ERLEC1: variants seen among roughly 807,000 people sequenced by gnomAD.
ERLEC1 encodes the protein endoplasmic reticulum lectin 1, also known as ER lectin.
In ERLEC1, 47 loss-of-function variants were observed where a neutral mutation model predicts 68.0. The observed-to-expected ratio is 0.69, with a 90% CI of 0.55 to 0.88. The LOEUF is 0.88. Ranked by LOEUF, ERLEC1 falls within the 40% of genes least tolerant of loss-of-function variation. The probability of loss-of-function intolerance (pLI) is 0.00; values close to 1 mark genes in which losing one functional copy is unlikely to be tolerated. For missense variants in ERLEC1, 567 were observed against 583.8 expected, an observed-to-expected ratio of 0.97 and a Z score of 0.30; for synonymous variants, 225 against 203.2, an observed-to-expected ratio of 1.11 and a Z score of -0.91.
chr2:53,794,377 T>A lies in ERLEC1; in HGVS notation c.195T>A (p.Asn65Lys), dbSNP rs1675572652. The A allele has an allele frequency of 6.3e-7, 1 of 1,580,604 alleles. No individual in the cohort carries two copies. The highest frequency in any genetic ancestry group is 1.4e-5 in the African/African-American group (1 of 73,628). ...CTGGAGTTTTATATAAAGAAGATAATTATGTCATCATGACAACTGCACATA... is the reference window on the plus strand; with the variant it reads ...CTGGAGTTTTATATAAAGAAGATAAATATGTCATCATGACAACTGCACATA... ...PTTGVLYKED[N>K]YVIMTTAHKE... The change falls in exon 2 of 14, where the codon AAT (asparagine) becomes AAA (lysine). Residue 65 changes from asparagine to lysine, a missense_variant. Physicochemically the swap from Asn to Lys is moderately conservative, Grantham distance 94. Coordinates refer to ENST00000185150, the MANE Select transcript of ERLEC1 (RefSeq NM_015701.5).
chr2:53,787,628 G>A (rs1675127320), intron 1 of ERLEC1: 2 of 388,400 alleles, frequency 5.1e-6, no homozygotes, highest in Non-Finnish European at 9.1e-6. Context: ...ACTAGACCTT[G>A]CTTCCCAACA....
At position 53,818,742 on chromosome 2, in the gene ERLEC1, C is replaced by G. The variant is rs1400262764; in HGVS notation, c.*773C>G. On this transcript the variant is annotated 3_prime_UTR_variant, in exon 14 of 14. Transcript: ENST00000185150. ...GCCTACTGTAATATGGATTTCACTT[C>G]TGAACAGTTTACAGCACAATATTTA... The G allele has an allele frequency of 6.6e-6, 1 of 152,188 alleles. No homozygotes were observed. The highest frequency in any genetic ancestry group is 1.5e-5 in the Non-Finnish European group (1 of 68,038). The allele number at this position is 152,188 out of a possible 1,614,324, so 9.4% of individuals were successfully genotyped here.
At chr2:53,802,609 G>A (rs1283072850) in intron 8 of ERLEC1, among the ~76,000 whole-genome samples, 4 of 152,096 alleles carry the variant, frequency 2.6e-5, no homozygotes, top group Non-Finnish European at 5.9e-5. Flanking sequence ...TTAATCTCTT[G>A]GTAGTTAACA....
At chr2:53,787,714 G>A in intron 1 of ERLEC1, 1 of 230,702 alleles carries the variant, frequency 4.3e-6, no homozygotes, top group Non-Finnish European at 8.4e-6. Flanking sequence ...AAAATTAACT[G>A]TGGCTCTTAC....
intron 10 of ERLEC1, among the ~76,000 whole-genome samples, chr2:53,812,008 C>G (rs898003404): frequency 1.3e-5 from 2 of 152,154 alleles, no homozygotes; most frequent in African/African-American, 4.8e-5. Flanking sequence ...ACCTCTGCCT[C>G]CCAGGTTCAA....
In ERLEC1 at chr2:53,787,652, G is replaced by A. The variant is rs1001051180; in HGVS notation, c.162+280G>A. ...TGCTTCCCAACATTCCCACCCTGCA[G>A]AAGCAGCTTTCGTAGAATAACGTCA... On this transcript the variant is annotated intron_variant, in intron 1 of 13. Coordinates refer to ENST00000185150, the MANE Select transcript of ERLEC1 (RefSeq NM_015701.5). 3 of 354,414 alleles carry A rather than the reference G, an allele frequency of 8.5e-6. No individual in the cohort carries two copies. The Admixed American group carries it at 1.4e-4, about 16-fold the overall frequency. 22.0% of individuals were successfully genotyped at this position (354,414 alleles called of 1,614,324 possible). A position where few individuals can be genotyped will look rare whatever the true frequency, so the allele number is the denominator to read the frequency against.
chr2:53,812,899 T>C (rs1016528555), intron 10 of ERLEC1, 50 bp from the exon 11 acceptor site: 1 of 1,589,218 alleles, frequency 6.3e-7, no homozygotes, highest in Admixed American at 1.9e-5. Context: ...CATAAATATC[T>C]ACTTGATGAT....
chr2:53,809,255 T>C lies in ERLEC1; in HGVS notation c.1083T>C (p.His361=). The C allele has an allele frequency of 6.3e-7, 1 of 1,577,632 alleles. No individual in the cohort carries two copies. The highest frequency in any genetic ancestry group is 8.6e-7 in the Non-Finnish European group (1 of 1,169,438). ...WWKYEFCYGK[H]VHQYHEDKDS... is the part of the protein sequence containing the mutation. The stretch of plus-strand genomic sequence containing the variant: ...AATATGAATTCTGCTATGGCAAACA[T>C]GTACATCAATACCATGAGGTATAGA... Residue 361 remains histidine, a synonymous_variant, in exon 10 of 14, where the codon CAT becomes CAC. Coordinates refer to ENST00000185150, the MANE Select transcript of ERLEC1 (RefSeq NM_015701.5).
At chr2:53,808,509 C>T (rs766090625) in intron 9 of ERLEC1, 49 bp downstream of exon 9, 16 of 1,578,590 alleles carry the variant, frequency 1.0e-5, no homozygotes, top group Non-Finnish European at 1.2e-5. Context: ...ACTTTACCTG[C>T]CAGGTATGGT....
Position 53,787,246 on chromosome 2 carries a change from C to G in ERLEC1, c.36C>G (p.Val12=). 4 of 1,606,608 alleles carry G rather than the reference C, an allele frequency of 2.5e-6. No individual in the cohort carries two copies. Among genetic ancestry groups the G allele is most frequent in the Non-Finnish European group, 3.4e-6 (4 of 1,179,610 alleles). The change falls in exon 1 of 14, where the codon GTC becomes GTG. Residue 12 remains valine (V), a synonymous_variant. Coordinates refer to ENST00000185150, the MANE Select transcript of ERLEC1 (RefSeq NM_015701.5). The part of the protein sequence containing the change: ...EEGGGGVRSL[V]PGGPVLLVLC... ...GAGGCGGCGGCGTACGGAGTCTGGT[C>G]CCGGGCGGGCCGGTGTTACTGGTCC...
At chr2:53,797,640 CT>C in intron 4 of ERLEC1, 48 bp downstream of exon 4, 1 of 1,571,060 alleles carries the variant, frequency 6.4e-7, no homozygotes, top group Non-Finnish European at 8.7e-7. Context: ...AAGATGAGAA[CT>C]TTAATAATGA....
At chr2:53,806,242 A>G (rs1163439377) in intron 8 of ERLEC1, among the ~76,000 whole-genome samples, 1 of 152,200 alleles carries the variant, frequency 6.6e-6, no homozygotes, top group African/African-American at 2.4e-5. Context: ...CTACTATATA[A>G]ACTACCATCC....
Position 53,787,131 on chromosome 2 carries a change from T to C in ERLEC1, c.-80T>C. On this transcript the variant is annotated 5_prime_UTR_variant, in exon 1 of 14. Transcript: ENST00000185150. ...GGCGCTTTATAGTCCCGCCGCCTCC[T>C]CCTCCACCTCCTCCTCCTCCTCCTC... 5.5e-5 allele frequency: 34 copies of C among 613,270 alleles called. No homozygotes were observed. Among genetic ancestry groups the C allele is most frequent in the East Asian group, 1.1e-4 (2 of 18,126 alleles). 38.0% of individuals were successfully genotyped at this position (613,270 alleles called of 1,614,324 possible).
chr2:53,810,748 G>C (rs1245143568), intron 10 of ERLEC1, among the ~76,000 whole-genome samples: 1 of 152,270 alleles, frequency 6.6e-6, no homozygotes, highest in East Asian at 1.9e-4. Flanking sequence ...ACTAGGATGT[G>C]TTCGGTTTTT....
rs1676669862 is a variant in ERLEC1, at chr2:53,812,943, T to C, written c.1102-6T>C. The C allele has an allele frequency of 6.2e-7, 1 of 1,600,646 alleles. No homozygotes were observed. The highest frequency in any genetic ancestry group is 8.5e-7 in the Non-Finnish European group (1 of 1,177,126). On this transcript the variant is annotated splice_region_variant and splice_polypyrimidine_tract_variant and intron_variant, in intron 10 of 13. Transcript: ENST00000185150. ...CGCATTATCACAAATTTTTTTCCCATATTAGGACAAGGATAGTGGGAAAAC... is the reference window on the plus strand; with the variant it reads ...CGCATTATCACAAATTTTTTTCCCACATTAGGACAAGGATAGTGGGAAAAC...
In ERLEC1 at chr2:53,787,371, T is replaced by C; in HGVS notation, c.161T>C (p.Leu54Pro). 1.2e-6 allele frequency: 2 copies of C among 1,609,456 alleles called. No individual in the cohort carries two copies. Among genetic ancestry groups the C allele is most frequent in the Non-Finnish European group, 1.7e-6 (2 of 1,178,462 alleles). The part of the protein sequence containing the change: ...RVNWPGTEFS[L>P]PTTGVLYKED... ...AACTGGCCCGGCACCGAGTTCTCTC[T>C]GGTCAGTGCCCTCACTAACCCCGCA... is the stretch of plus-strand genomic sequence containing the variant. Residue 54 changes from leucine (L) to proline (P), a missense_variant and splice_region_variant, in exon 1 of 14, where the codon CTG becomes CCG. Physicochemically the swap from Leu to Pro is moderately conservative, Grantham distance 98. Coordinates refer to ENST00000185150, the MANE Select transcript of ERLEC1 (RefSeq NM_015701.5).
At chr2:53,814,986 TTTTTTTTTC>T in intron 13 of ERLEC1, 51 bp downstream of exon 13, 34 of 984,414 alleles carry the variant, frequency 3.5e-5, no homozygotes, top group Non-Finnish European at 3.8e-5. Flanking sequence ...CATGTTTTAA[TTTTTTTTTC>T]TTTTTTTTTT....
At chr2:53,804,902 T>C (rs896442923) in intron 8 of ERLEC1, among the ~76,000 whole-genome samples, 1 of 151,924 alleles carries the variant, frequency 6.6e-6, no homozygotes, top group Non-Finnish European at 1.5e-5. Context: ...AGTGAGAACA[T>C]GGGATGTTTG....
At chr2:53,811,511 G>A (rs1289175701) in intron 10 of ERLEC1, among the ~76,000 whole-genome samples, 1 of 149,328 alleles carries the variant, frequency 6.7e-6, no homozygotes, top group Non-Finnish European at 1.5e-5. Context: ...ACTTTCTAGG[G>A]AACTCTGTTA....
Sources: allele counts gnomAD v4.1 joint callset (sites outside exome capture counted in the v4.1 genomes callset), GRCh38; gene constraint gnomAD v4.1.1; transcripts MANE v1.5; gene names NCBI Gene and HGNC (gene_info 2026-07-23, HGNC 2026-07-21).